GRM7: variants seen among roughly 807,000 people sequenced by gnomAD.
GRM7 encodes glutamate metabotropic receptor 7.
A neutral mutation model predicts 84.5 loss-of-function variants in GRM7; 35 were observed. The ratio of observed to expected loss-of-function variants is 0.41; its 90% CI spans 0.32 to 0.55. The LOEUF (loss-of-function observed/expected upper bound fraction) is 0.55, where lower values mean the gene tolerates loss of function less well. Ranked by LOEUF, GRM7 falls within the 20% of genes least tolerant of loss-of-function variation. The pLI, the probability that GRM7 is intolerant of heterozygous loss-of-function variation, is 0.19. For synonymous variants in GRM7, 487 were observed against 455.1 expected, an observed-to-expected ratio of 1.07 and a Z score of -0.89; for missense variants, 1,003 against 1,194.6, an observed-to-expected ratio of 0.84 and a Z score of 2.36.
chr3:7,130,543 CA>C (rs1228064637), intron 1 of GRM7, among the ~76,000 whole-genome samples: 1,515 of 79,126 alleles, frequency 0.019, 22 homozygotes, highest in African/African-American at 0.079. Context: ...ATTCTTGTCT[CA>C]AAAAAAAAAA....
chr3:7,624,409 C>G (rs1453526699), intron 8 of GRM7, among the ~76,000 whole-genome samples: 1 of 152,162 alleles, frequency 6.6e-6, no homozygotes, highest in African/African-American at 2.4e-5. Context: ...TCCAAAACTA[C>G]AGGTCACTTA....
chr3:7,153,139 T>C (rs980283027), intron 2 of GRM7, among the ~76,000 whole-genome samples: 2 of 150,312 alleles, frequency 1.3e-5, no homozygotes, highest in South Asian at 4.2e-4. Context: ...GTGGATTTTT[T>C]TTTTTTTTTT....
At chr3:7,105,806 A>G (rs1692610688) in intron 1 of GRM7, among the ~76,000 whole-genome samples, 1 of 151,882 alleles carries the variant, frequency 6.6e-6, no homozygotes, top group African/African-American at 2.4e-5. Flanking sequence ...TATATATGGT[A>G]TTTGAGATTT....
At chr3:7,306,224 A>T (rs529859789) in intron 3 of GRM7, among the ~76,000 whole-genome samples, 15 of 152,318 alleles carry the variant, frequency 9.8e-5, no homozygotes, top group Admixed American at 8.5e-4. Context: ...TTTCTAACAT[A>T]TGTAAATATG....
rs115344704 is a variant in GRM7 at position 7,168,436 on chromosome 3, C to G, written c.736+21768C>G. 6.2e-3 allele frequency among the ~76,000 whole-genome samples: 940 copies of G among 152,098 alleles called. 5 individuals carry two copies. Among genetic ancestry groups the G allele is most frequent in the African/African-American group, 0.014 (585 of 41,480 alleles). ...GGGACTTCCTGATGACATGAATGGC[C>G]TGATAACAAGAAACAGGAGAGATCT... On this transcript the variant is annotated intron_variant, in intron 2 of 9. Transcript: ENST00000357716.
chr3:7,155,041 C>T (rs7621420), intron 2 of GRM7, among the ~76,000 whole-genome samples: 37,185 of 151,836 alleles, frequency 0.24, 5,258 homozygotes, highest in African/African-American at 0.4. Flanking sequence ...TCAAGGATAG[C>T]CAGATCTAGA....
At chr3:7,350,758 G>A (rs1693104989) in intron 4 of GRM7, among the ~76,000 whole-genome samples, 1 of 151,946 alleles carries the variant, frequency 6.6e-6, no homozygotes. Flanking sequence ...CTACCATTGA[G>A]GTTGTTTTGG....
At chr3:7,320,027 G>A (rs1192939992) in intron 4 of GRM7, among the ~76,000 whole-genome samples, 3 of 151,766 alleles carry the variant, frequency 2.0e-5, no homozygotes, top group African/African-American at 7.3e-5. Context: ...TCCTCATAGA[G>A]GTTACTGTTG....
chr3:7,568,678 C>G (rs1048355151), intron 7 of GRM7, among the ~76,000 whole-genome samples: 1 of 152,118 alleles, frequency 6.6e-6, no homozygotes, highest in Non-Finnish European at 1.5e-5. Context: ...GCTCGGCGGC[C>G]CAGCACTCAG....
intron 2 of GRM7, among the ~76,000 whole-genome samples, chr3:7,180,460 AGG>A (rs963769977): frequency 2.0e-4 from 31 of 152,172 alleles, no homozygotes; most frequent in African/African-American, 7.5e-4. Flanking sequence ...AGTACAGACT[AGG>A]GTGGTGCTCA....
intron 9 of GRM7, among the ~76,000 whole-genome samples, chr3:7,700,132 G>C (rs1701173401): frequency 6.6e-6 from 1 of 152,100 alleles, no homozygotes; most frequent in Admixed American, 6.5e-5. Flanking sequence ...ATCTCCTTTG[G>C]AACCTCTCAG....
In GRM7 at chr3:7,572,877, T is replaced by TAA. The variant is rs1449745287; in HGVS notation, c.1516-5544_1516-5543insAA. 8.5e-4 allele frequency among the ~76,000 whole-genome samples: 57 copies of TAA among 67,150 alleles called. 3 individuals carry two copies. Among genetic ancestry groups the TAA allele is most frequent in the African/African-American group, 3.1e-3 (54 of 17,332 alleles). 44.1% of individuals were successfully genotyped at this position (67,150 alleles called of 152,430 possible). A position where few individuals can be genotyped will look rare whatever the true frequency, so the allele number is the denominator to read the frequency against. ...ATATATATATATATATATATATATA[T>TAA]ATAAATAATCTTTCTACCTATAATA... On this transcript the variant is annotated intron_variant, in intron 7 of 9. Transcript: ENST00000357716.
chr3:7,627,390 C>T (rs1697662235), intron 8 of GRM7, among the ~76,000 whole-genome samples: 1 of 152,116 alleles, frequency 6.6e-6, no homozygotes, highest in Non-Finnish European at 1.5e-5. Context: ...CAGAGGTTCT[C>T]ATTAGCTTAT....
At chr3:7,172,658 G>A (rs915936136) in intron 2 of GRM7, among the ~76,000 whole-genome samples, 5 of 149,892 alleles carry the variant, frequency 3.3e-5, no homozygotes, top group South Asian at 2.1e-4. Flanking sequence ...TTGAATTTCC[G>A]AAAAGAACAA....
At chr3:7,557,575 C>T (rs1041059559) in intron 7 of GRM7, among the ~76,000 whole-genome samples, 2 of 152,054 alleles carry the variant, frequency 1.3e-5, no homozygotes, top group Non-Finnish European at 2.9e-5. Flanking sequence ...ACTTCCAAGT[C>T]AGACACTGTC....
chr3:7,174,557 TA>T (rs1695083909), intron 2 of GRM7, among the ~76,000 whole-genome samples: 1 of 152,222 alleles, frequency 6.6e-6, no homozygotes. Context: ...CTGACTACAA[TA>T]AAAGTTTATT....
Position 7,173,320 on chromosome 3 carries a change from G to A in GRM7, c.736+26652G>A, listed in dbSNP as rs529037908. Among the ~76,000 whole-genome samples, 12 of 152,014 alleles carry A rather than the reference G, an allele frequency of 7.9e-5. No individual in the cohort carries two copies. The East Asian group carries it at 2.1e-3, about 27-fold the overall frequency. ...CTCCATTTCTGCTGCCACTCCCCTG[G>A]TCCAGACCAATGTAATGTCTCACAG... On this transcript the variant is annotated intron_variant, in intron 2 of 9. Coordinates refer to ENST00000357716, the MANE Select transcript of GRM7 (RefSeq NM_000844.4).
At chr3:7,265,968 C>A (rs369913129) in intron 2 of GRM7, among the ~76,000 whole-genome samples, 1 of 152,118 alleles carries the variant, frequency 6.6e-6, no homozygotes, top group Non-Finnish European at 1.5e-5. Flanking sequence ...GAGAGCTCAG[C>A]AAGACTGTGG....
At chr3:7,210,696 G>A (rs1696392809) in intron 2 of GRM7, among the ~76,000 whole-genome samples, 1 of 152,068 alleles carries the variant, frequency 6.6e-6, no homozygotes, top group African/African-American at 2.4e-5. Flanking sequence ...TGTTCGCCAA[G>A]AAAGCCTCTG....
Sources: gnomAD v4.1 joint callset for allele counts (sites outside exome capture counted in the v4.1 genomes callset) on GRCh38, gnomAD v4.1.1 for gene constraint, MANE v1.5 for transcripts, NCBI Gene and HGNC (gene_info 2026-07-23, HGNC 2026-07-21) for gene names.